The following DOCK8 variants were observed in gnomAD, a reference collection of about 807,000 sequenced individuals.
The protein encoded by DOCK8 is dedicator of cytokinesis protein 8.
DOCK8 carries 141 observed loss-of-function variants against 245.6 expected under a neutral mutation model. The ratio of observed to expected loss-of-function variants is 0.57; its 90% CI spans 0.50 to 0.66. The LOEUF (loss-of-function observed/expected upper bound fraction) is 0.66, where lower values mean the gene tolerates loss of function less well. Ranked by LOEUF, DOCK8 falls within the 30% of genes least tolerant of loss-of-function variation. DOCK8 has a pLI of 0.00. For missense variants in DOCK8, 2,965 were observed against 2,603.4 expected (o/e 1.14, Z -3.02); for synonymous variants, 1,168 against 970.2 (o/e 1.20, Z -3.79).
chr9:252,729 G>A (rs905324907), intron 1 of DOCK8, among the ~76,000 whole-genome samples: 1 of 149,952 alleles, frequency 6.7e-6, no homozygotes, highest in African/African-American at 2.5e-5. Flanking sequence ...GCTTGAACCC[G>A]GGAGGTCGCA....
intron 13 of DOCK8, 122 bp downstream of exon 13, chr9:339,221 G>A: frequency 2.3e-6 from 2 of 861,346 alleles, no homozygotes; most frequent in Non-Finnish European, 3.8e-6. Flanking sequence ...GAGATTTTGT[G>A]TTAGGGGTTA....
intron 28 of DOCK8, among the ~76,000 whole-genome samples, chr9:411,627 C>A (rs900650715): frequency 6.6e-6 from 1 of 151,982 alleles, no homozygotes; most frequent in African/African-American, 2.4e-5. Flanking sequence ...TATACTAAAC[C>A]AGACAAAGAC....
chr9:365,648 C>G (rs1324530301), intron 14 of DOCK8: 2 of 453,546 alleles, frequency 4.4e-6, no homozygotes, highest in Admixed American at 2.4e-5. Flanking sequence ...CCTTTGAGGT[C>G]GATGCAATTA....
chr9:230,251 G>A (rs375557090), intron 1 of DOCK8, among the ~76,000 whole-genome samples: 2 of 152,096 alleles, frequency 1.3e-5, no homozygotes, highest in African/African-American at 4.8e-5. Context: ...CTTTATGGCT[G>A]CATAGTATTC....
At chr9:350,536 T>C (rs1054246926) in intron 14 of DOCK8, among the ~76,000 whole-genome samples, 5 of 152,194 alleles carry the variant, frequency 3.3e-5, no homozygotes, top group African/African-American at 1.2e-4. Flanking sequence ...AATGAGATAG[T>C]CTTACTAGGG....
rs899157162 is a variant in DOCK8, at chr9:439,516, G to C, written c.5223+128G>C. 8.7e-6 allele frequency: 11 copies of C among 1,257,920 alleles called. No homozygotes were observed. In the African/African-American group the frequency reaches 1.5e-4, roughly 17 times the overall value. The allele number at this position is 1,257,920 out of a possible 1,614,324, so 77.9% of individuals were successfully genotyped here. ...CGAGGACACGTGCCAGGGTGTGCGG[G>C]GCAGGGGATGGGCCCGGGGAGGACT... On this transcript the variant is annotated intron_variant, in intron 40 of 47. Transcript: ENST00000432829.
At position 420,532 on chromosome 9, in the gene DOCK8, C is replaced by G; in HGVS notation, c.3972C>G (p.Leu1324=). The change falls in exon 31 of 48, where the codon CTC becomes CTG. Residue 1324 remains leucine, a synonymous_variant. Transcript: ENST00000432829. ...TTGCTGACCTGCCATCAACGCAGCTCAACAGGATTTTAGATCTACTTTTCA... is the reference window on the plus strand; with the variant it reads ...TTGCTGACCTGCCATCAACGCAGCTGAACAGGATTTTAGATCTACTTTTCA... ...KWIADLPSTQ[L]NRILDLLFIC... 1.2e-6 allele frequency: 2 copies of G among 1,614,152 alleles called. No homozygotes were observed. Among genetic ancestry groups the G allele is most frequent in the Non-Finnish European group, 1.7e-6 (2 of 1,180,038 alleles).
intron 4 of DOCK8, among the ~76,000 whole-genome samples, chr9:300,770 C>T (rs1411146813): frequency 1.3e-5 from 2 of 152,070 alleles, no homozygotes; most frequent in African/African-American, 4.8e-5. Context: ...TTCCTGGAAA[C>T]ACACAAGCCC....
At chr9:232,089 A>T (rs537281157) in intron 1 of DOCK8, among the ~76,000 whole-genome samples, 4 of 152,170 alleles carry the variant, frequency 2.6e-5, no homozygotes, top group Non-Finnish European at 5.9e-5. Flanking sequence ...TAATTTATTG[A>T]GAGTTTTTAG....
At chr9:341,803 T>C (rs1423176203) in intron 14 of DOCK8, among the ~76,000 whole-genome samples, 1 of 152,166 alleles carries the variant, frequency 6.6e-6, no homozygotes. Context: ...TGAGTGAAGC[T>C]TCATTTACAG....
At position 439,284 on chromosome 9, in the gene DOCK8, G is replaced by C. The variant is rs1453558168; in HGVS notation, c.5119G>C (p.Glu1707Gln). The C allele has an allele frequency of 1.9e-6, 3 of 1,614,082 alleles. No homozygotes were observed. The highest frequency in any genetic ancestry group is 2.5e-6 in the Non-Finnish European group (3 of 1,180,048). The change falls in exon 40 of 48, where the codon GAG (glutamate) becomes CAG (glutamine). Residue 1707 changes from glutamate (E) to glutamine (Q), a missense_variant. By Grantham distance (29) the Glu-to-Gln change is conservative (BLOSUM62 2). Transcript: ENST00000432829. ...TGTGCTGGAGGAGTCTGTGGTCTCT[G>C]AGGACACCCTGTCACCTGACGAGGA... ...SNVLEESVVS[E>Q]DTLSPDEDGV...
At chr9:440,881 A>G (rs1361806398) in intron 40 of DOCK8, among the ~76,000 whole-genome samples, 1 of 152,112 alleles carries the variant, frequency 6.6e-6, no homozygotes, top group African/African-American at 2.4e-5. Flanking sequence ...CTACAGGAGC[A>G]TGCTACCACA....
At chr9:425,495 G>A (rs1210211520) in intron 33 of DOCK8, among the ~76,000 whole-genome samples, 5 of 134,038 alleles carry the variant, frequency 3.7e-5, no homozygotes, top group Middle Eastern at 3.6e-3. Context: ...TTGCGCCACT[G>A]CACTCTGCAC....
In DOCK8 at chr9:417,573, A is replaced by C. The variant is rs139535465; in HGVS notation, c.3701-495A>C. Among the ~76,000 whole-genome samples, 640 of 152,330 alleles carry C rather than the reference A, an allele frequency of 4.2e-3. 5 individuals carry two copies. Among genetic ancestry groups the C allele is most frequent in the African/African-American group, 0.014 (587 of 41,584 alleles). On this transcript the variant is annotated intron_variant, in intron 29 of 47. Coordinates refer to ENST00000432829, the MANE Select transcript of DOCK8 (RefSeq NM_203447.4). ...AACGGTTTATCGTTTTTTTGCTTGCATACATCTAGACCTATCTATAAATAT... is the reference window on the plus strand; with the variant it reads ...AACGGTTTATCGTTTTTTTGCTTGCCTACATCTAGACCTATCTATAAATAT...
At chr9:399,924 C>G (rs1164604765) in intron 26 of DOCK8, among the ~76,000 whole-genome samples, 2 of 151,554 alleles carry the variant, frequency 1.3e-5, no homozygotes, top group Non-Finnish European at 2.9e-5. Flanking sequence ...ACTACTACCA[C>G]CAGCCACCAC....
At chr9:445,265 G>A (rs1451737912) in intron 43 of DOCK8, among the ~76,000 whole-genome samples, 3 of 152,110 alleles carry the variant, frequency 2.0e-5, no homozygotes, top group East Asian at 3.8e-4. Flanking sequence ...AATTCCCAGG[G>A]TAGGTTGTGA....
intron 28 of DOCK8, among the ~76,000 whole-genome samples, chr9:412,627 A>C (rs1317800631): frequency 6.6e-6 from 1 of 152,162 alleles, no homozygotes; most frequent in African/African-American, 2.4e-5. Flanking sequence ...ACGATGAGCA[A>C]TCTGAAAATG....
intron 39 of DOCK8, 143 bp from the exon 40 acceptor site, chr9:439,102 G>T (rs10733508): frequency 8.9e-6 from 9 of 1,007,830 alleles, no homozygotes; most frequent in Non-Finnish European, 1.2e-5. Context: ...AGATACTCTC[G>T]GGGTAGAATT....
At position 415,692 on chromosome 9, in the gene DOCK8, G is replaced by GCACACACGCACACACGCACA. The variant is rs1554699022; in HGVS notation, c.3700+748_3700+749insGCACACACGCACACACACAC. Among the ~76,000 whole-genome samples, 1,331 of 151,078 alleles carry GCACACACGCACACACGCACA rather than the reference G, an allele frequency of 8.8e-3. 27 individuals are homozygous for GCACACACGCACACACGCACA. The highest frequency in any genetic ancestry group is 0.029 in the African/African-American group (1,195 of 41,194). ...TGTGTGTGCACGTGTGTGCGCGCGT[G>GCACACACGCACACACGCACA]CACACACACACACACACAATTCCTA... On this transcript the variant is annotated intron_variant, in intron 29 of 47. Coordinates refer to ENST00000432829, the MANE Select transcript of DOCK8 (RefSeq NM_203447.4).
Sources: gnomAD v4.1 joint callset for allele counts (sites outside exome capture counted in the v4.1 genomes callset) on GRCh38, gnomAD v4.1.1 for gene constraint, MANE v1.5 for transcripts, NCBI Gene and HGNC (gene_info 2026-07-23, HGNC 2026-07-21) for gene names.